The following HOXB3 variants were observed in gnomAD, a reference collection of about 807,000 sequenced individuals.
HOXB3 encodes homeobox B3.
A neutral mutation model predicts 29.2 loss-of-function variants in HOXB3; 17 were observed. The ratio of observed to expected loss-of-function variants is 0.58; its 90% confidence interval spans 0.40 to 0.87. The LOEUF is 0.87. HOXB3 is among the 40% of genes least tolerant of loss of function. The pLI is 0.00. For missense variants in HOXB3, 637 were observed against 616.3 expected (o/e 1.03, Z -0.35); for synonymous variants, 317 against 285.9 (o/e 1.11, Z -1.10).
intron 1 of HOXB3, among the ~76,000 whole-genome samples, chr17:48,586,608 C>T (rs1274150914): frequency 6.6e-6 from 1 of 152,226 alleles, no homozygotes; most frequent in Non-Finnish European, 1.5e-5. Flanking sequence ...AGGATGCAAA[C>T]TCCATTATAT....
chr17:48,589,555 A>G (rs1182450675), intron 1 of HOXB3, among the ~76,000 whole-genome samples: 3 of 152,202 alleles, frequency 2.0e-5, no homozygotes, highest in African/African-American at 7.2e-5. Context: ...TGATGAAGCC[A>G]AAGATAACCG....
Position 48,551,102 on chromosome 17 carries a change from CCCGCCGCCG to C in HOXB3, c.519_527del (p.Gly176_Gly178del), listed in dbSNP as rs746292587. The C allele has an allele frequency of 1.3e-5, 18 of 1,382,706 alleles. No individual in the cohort carries two copies. The highest frequency in any genetic ancestry group is 2.8e-5 in the East Asian group (1 of 35,348). The allele number at this position is 1,382,706 out of a possible 1,614,324, so 85.7% of individuals were successfully genotyped here. Reference sequence around the variant, plus strand: ...ACCCCGGGGGGCTCTTGTCCCCTCCCCCGCCGCCGCCGCCACCGCCCCCGCTGCCACCAC... The same window carrying C: ...ACCCCGGGGGGCTCTTGTCCCCTCCCCCGCCACCGCCCCCGCTGCCACCAC... On this transcript the variant is annotated inframe_deletion, in exon 5 of 5. Coordinates refer to ENST00000498678, the MANE Select transcript of HOXB3 (RefSeq NM_001384749.1).
intron 1 of HOXB3, chr17:48,582,014 C>T (rs1263833800): frequency 6.6e-6 from 1 of 152,316 alleles, no homozygotes; most frequent in African/African-American, 2.4e-5. Context: ...AGCTGAGCCA[C>T]CTCCCCTGCG....
chr17:48,550,469 G>C lies in HOXB3; in HGVS notation c.1161C>G (p.Asn387Lys), dbSNP rs371742802. 5 of 1,611,280 alleles carry C rather than the reference G, an allele frequency of 3.1e-6. No homozygotes were observed. The highest frequency in any genetic ancestry group is 1.7e-4 in the Middle Eastern group (1 of 6,036). ...GGCTGGGCGCCATAGGGGGCGCCCC[G>C]TTGTAGTCCAGGTTCCCGGAAGGGT... ...SHHPSGNLDY[N>K]GAPPMAPSQH... The change falls in exon 5 of 5, where the codon AAC becomes AAG. Residue 387 changes from asparagine to lysine, a missense_variant. Transcript: ENST00000498678.
chr17:48,588,055 C>G (rs961754832), intron 1 of HOXB3, among the ~76,000 whole-genome samples: 1 of 152,174 alleles, frequency 6.6e-6, no homozygotes, highest in African/African-American at 2.4e-5. Flanking sequence ...TAGAGCAGCT[C>G]TCTTAGAGGG....
At chr17:48,586,527 G>A (rs2070051116) in intron 1 of HOXB3, among the ~76,000 whole-genome samples, 1 of 152,142 alleles carries the variant, frequency 6.6e-6, no homozygotes. Flanking sequence ...TGCTGCCCCC[G>A]TCTGCTGACC....
intron 2 of HOXB3, among the ~76,000 whole-genome samples, chr17:48,557,904 T>G (rs2069050193): frequency 6.6e-6 from 1 of 151,858 alleles, no homozygotes; most frequent in Admixed American, 6.6e-5. Context: ...TGTCCTGAGA[T>G]CTCTACACTC....
chr17:48,576,947 C>T, intron 1 of HOXB3: 1 of 1,614,192 alleles, frequency 6.2e-7, no homozygotes, highest in Non-Finnish European at 8.5e-7. Flanking sequence ...ATTCCTTCTC[C>T]AGCTCCAAGA....
chr17:48,576,652 C>CCCCCCCCCCCAA, intron 1 of HOXB3: 2 of 576,248 alleles, frequency 3.5e-6, no homozygotes, highest in Non-Finnish European at 5.2e-6. Flanking sequence ...CCCTCCTGTC[C>CCCCCCCCCCCAA]CCCCACCCCA....
intron 2 of HOXB3, among the ~76,000 whole-genome samples, chr17:48,561,604 G>C (rs2069200878): frequency 6.6e-6 from 1 of 152,224 alleles, no homozygotes; most frequent in South Asian, 2.1e-4. Context: ...GCTGAGGATG[G>C]GTACACACAG....
chr17:48,554,725 A>T lies in HOXB3; in HGVS notation c.-159+806T>A, dbSNP rs1450313394. Reference sequence around the variant, plus strand: ...CAGCACACCAGCCGGCCGAGGGCCGAGCCCCGCGGGCGGCAGCAAGTTTTG... The same window carrying T: ...CAGCACACCAGCCGGCCGAGGGCCGTGCCCCGCGGGCGGCAGCAAGTTTTG... On this transcript the variant is annotated intron_variant, in intron 3 of 4. Coordinates refer to ENST00000498678, the MANE Select transcript of HOXB3 (RefSeq NM_001384749.1). This position sits in a 1 kb window ranked among gnomAD's most constrained non-coding sequence, Gnocchi z 4.1. 8 of 702,256 alleles carry T rather than the reference A, an allele frequency of 1.1e-5. No individual in the cohort carries two copies. The African/African-American group carries it at 1.2e-4, about 11-fold the overall frequency. 43.5% of individuals were successfully genotyped at this position (702,256 alleles called of 1,614,324 possible). A position where few individuals can be genotyped will look rare whatever the true frequency, so the allele number is the denominator to read the frequency against.
At chr17:48,566,752 C>T (rs1260525559) in intron 2 of HOXB3, among the ~76,000 whole-genome samples, 2 of 152,162 alleles carry the variant, frequency 1.3e-5, no homozygotes, top group African/African-American at 2.4e-5. Flanking sequence ...GTGATCCTTC[C>T]CTGCTCTCTC....
chr17:48,580,962 A>G (rs1015830272), intron 1 of HOXB3: 5 of 152,244 alleles, frequency 3.3e-5, no homozygotes, highest in Admixed American at 6.5e-5. Context: ...AAGCTGTGAC[A>G]GAGTAAGGGA....
intron 1 of HOXB3, chr17:48,576,461 C>G: frequency 2.6e-6 from 1 of 386,386 alleles, no homozygotes. Flanking sequence ...CTTGCTTTTT[C>G]TTTTTCTTTT....
chr17:48,583,283 T>C (rs1179289487), intron 1 of HOXB3, among the ~76,000 whole-genome samples: 1 of 152,016 alleles, frequency 6.6e-6, no homozygotes, highest in Admixed American at 6.6e-5. Context: ...AAACAATAGC[T>C]TCCCCCTCCC....
chr17:48,566,002 C>G (rs6504389), intron 2 of HOXB3, among the ~76,000 whole-genome samples: 117,909 of 152,106 alleles, frequency 0.78, 46,432 homozygotes, highest in Non-Finnish European at 0.85. Context: ...TAGCAGCCTG[C>G]CTCCTTAAAG....
intron 2 of HOXB3, among the ~76,000 whole-genome samples, chr17:48,562,496 C>T (rs2069233586): frequency 6.6e-6 from 1 of 152,180 alleles, no homozygotes; most frequent in South Asian, 2.1e-4. Flanking sequence ...TGCTGGGCTC[C>T]AGGTCTCTGC....
chr17:48,583,304 C>T (rs2069986352), intron 1 of HOXB3, among the ~76,000 whole-genome samples: 1 of 152,124 alleles, frequency 6.6e-6, no homozygotes, highest in Non-Finnish European at 1.5e-5. Context: ...CCCGAAGAAT[C>T]GTTCTCATCA....
At chr17:48,557,583 T>A (rs1205948877) in intron 2 of HOXB3, among the ~76,000 whole-genome samples, 1 of 152,118 alleles carries the variant, frequency 6.6e-6, no homozygotes, top group Non-Finnish European at 1.5e-5. Context: ...GGGGTACCTA[T>A]GGCCTTCCTG....
Sources: gnomAD v4.1 joint callset for allele counts (sites outside exome capture counted in the v4.1 genomes callset) on GRCh38, gnomAD v4.1.1 for gene constraint, Gnocchi (gnomAD v3.1) non-coding constraint, MANE v1.5 for transcripts, NCBI Gene and HGNC (gene_info 2026-07-23, HGNC 2026-07-21) for gene names.